PCARE: variants seen among roughly 807,000 people sequenced by gnomAD.
The protein encoded by PCARE is uncharacterized protein C2orf71.
Under a neutral mutation model 82.2 loss-of-function variants are expected in PCARE, and 72 were observed. That is an observed-to-expected ratio of 0.88 (90% CI 0.72 to 1.07). PCARE has a LOEUF of 1.07. Ranked by LOEUF, PCARE falls within the 50% of genes least tolerant of loss-of-function variation. The pLI, the probability that PCARE is intolerant of heterozygous loss-of-function variation, is 0.00. For missense variants in PCARE, 1,768 were observed against 1,592.4 expected (o/e 1.11, Z -1.88); for synonymous variants, 705 against 634.8 (o/e 1.11, Z -1.66).
rs780656700 is a variant in PCARE at position 29,070,922 on chromosome 2, T to C, written c.3340A>G (p.Lys1114Glu). Reference protein sequence around the residue: ...DSEDSQAVIAKVSGNTHSIFC... With the variant: ...DSEDSQAVIAEVSGNTHSIFC... Reference sequence around the variant, plus strand: ...ATGGAATGTGTGTTCCCAGACACTTTGGCTATGACTGCTTGGCTGTCTTCA... The same window carrying C: ...ATGGAATGTGTGTTCCCAGACACTTCGGCTATGACTGCTTGGCTGTCTTCA... The change falls in exon 1 of 2, where the codon AAA becomes GAA. Residue 1114 changes from lysine (K) to glutamate (E), a missense_variant. Physicochemically the swap from Lys to Glu is moderately conservative, Grantham distance 56. Coordinates refer to ENST00000331664, the MANE Select transcript of PCARE (RefSeq NM_001029883.3). 1 of 1,613,470 alleles carries C rather than the reference T, an allele frequency of 6.2e-7. No individual in the cohort carries two copies. The highest frequency in any genetic ancestry group is 1.1e-5 in the South Asian group (1 of 91,062).
At position 29,074,130 on chromosome 2, in the gene PCARE, C is replaced by T. The variant is rs755346715; in HGVS notation, c.132G>A (p.Leu44=). ...CGTCATAGCAGGTGGAGTTTTTAAC[C>T]AGCAAAGGGATGGAACCTCTTTCAC... ...GGSERGSIPL[L]VKNSTCYDAG... The change falls in exon 1 of 2, where the codon CTG becomes CTA. Residue 44 remains leucine, a synonymous_variant. Transcript: ENST00000331664. 1.2e-6 allele frequency: 2 copies of T among 1,614,086 alleles called. No homozygotes were observed. The highest frequency in any genetic ancestry group is 1.7e-6 in the Non-Finnish European group (2 of 1,179,948).
At position 29,073,405 on chromosome 2, in the gene PCARE, G is replaced by A. The variant is rs539832997; in HGVS notation, c.857C>T (p.Ala286Val). The A allele has an allele frequency of 2.5e-6, 4 of 1,613,962 alleles. No individual in the cohort carries two copies. Among genetic ancestry groups the A allele is most frequent in the East Asian group, 4.5e-5 (2 of 44,888 alleles). The change falls in exon 1 of 2, where the codon GCC (alanine) becomes GTC (valine). Residue 286 changes from alanine to valine, a missense_variant. Physicochemically the swap from Ala to Val is moderately conservative, Grantham distance 64. Coordinates refer to ENST00000331664, the MANE Select transcript of PCARE (RefSeq NM_001029883.3). ...CTCCAGGAAGCTGCCGGTGAGCGAG[G>A]CCACTGTGCCATTGAGCACCTGCAG... ...SKLQVLNGTV[A>V]SLTGSFLEGS...
rs2148416838 is a variant in PCARE at position 29,073,614 on chromosome 2, C to T, written c.648G>A (p.Gln216=). 1.9e-6 allele frequency: 3 copies of T among 1,614,206 alleles called. No homozygotes were observed. The South Asian group carries it at 3.3e-5, about 18-fold the overall frequency. Residue 216 remains glutamine, a synonymous_variant, in exon 1 of 2, where the codon CAG becomes CAA. Transcript: ENST00000331664. ...HQATQTRELL[Q]PMVSFLLLCF... is the part of the protein sequence containing the mutation. ...ACAGCAGCAAGAAGCTGACCATGGG[C>T]TGCAGCAGCTCCCGGGTCTGGGTGG...
Position 29,072,517 on chromosome 2 carries a change from C to T in PCARE, c.1745G>A (p.Ser582Asn). Residue 582 changes from serine to asparagine, a missense_variant, in exon 1 of 2, where the codon AGT (serine) becomes AAT (asparagine). Coordinates refer to ENST00000331664, the MANE Select transcript of PCARE (RefSeq NM_001029883.3). ...TVVPPRPSTVSGSRRAPERQT... is the reference protein window; with the variant it reads ...TVVPPRPSTVNGSRRAPERQT... ...CCTCTCAGGGGCCCTCCTGCTGCCA[C>T]TTACCGTGCTAGGTCTTGGGGGGAC... 6.2e-7 allele frequency: 1 copy of T among 1,614,230 alleles called. No individual in the cohort carries two copies. The highest frequency in any genetic ancestry group is 8.5e-7 in the Non-Finnish European group (1 of 1,180,048).
chr2:29,074,219 C>G lies in PCARE; in HGVS notation c.43G>C (p.Ala15Pro). 6.3e-7 allele frequency: 1 copy of G among 1,584,718 alleles called. No individual in the cohort carries two copies. The highest frequency in any genetic ancestry group is 8.6e-7 in the Non-Finnish European group (1 of 1,165,378). ...TTCAAGAACTGAATGCCACTCTTTG[C>G]AACGCTGTTTACAAGGTCACTGTGT... is the stretch of plus-strand genomic sequence containing the variant. ...PSHSDLVNSV[A>P]KSGIQFLKKP... Residue 15 changes from alanine to proline, a missense_variant, in exon 1 of 2, where the codon GCA (alanine) becomes CCA (proline). Ala to Pro is a conservative substitution (Grantham distance 27). Coordinates refer to ENST00000331664, the MANE Select transcript of PCARE (RefSeq NM_001029883.3).
intron 1 of PCARE, among the ~76,000 whole-genome samples, chr2:29,070,105 G>GATAT (rs139616331): frequency 7.9e-5 from 12 of 151,406 alleles, no homozygotes; most frequent in Middle Eastern, 3.4e-3. Context: ...ATTTTTTTGA[G>GATAT]ATATATATAT....
chr2:29,064,497 A>G lies in PCARE; in HGVS notation c.*372T>C, dbSNP rs1667362115. On this transcript the variant is annotated 3_prime_UTR_variant, in exon 2 of 2. Coordinates refer to ENST00000331664, the MANE Select transcript of PCARE (RefSeq NM_001029883.3). ...AAAACTGAAGAATGCTATGTGCTTC[A>G]TTCACTGTTGTGAGGCTTAAGTGAT... 2.6e-6 allele frequency: 1 copy of G among 380,440 alleles called. No individual in the cohort carries two copies. The highest frequency in any genetic ancestry group is 4.9e-6 in the Non-Finnish European group (1 of 203,796). 23.6% of individuals were successfully genotyped at this position (380,440 alleles called of 1,614,324 possible).
intron 1 of PCARE, among the ~76,000 whole-genome samples, chr2:29,066,838 A>G (rs1482439190): frequency 6.6e-6 from 1 of 152,206 alleles, no homozygotes; most frequent in Admixed American, 6.5e-5. Context: ...AGGCCAGGTG[A>G]AGACTGAAAA....
In PCARE at chr2:29,073,961, A is replaced by G; in HGVS notation, c.301T>C (p.Ser101Pro). 1 of 1,614,204 alleles carries G rather than the reference A, an allele frequency of 6.2e-7. No homozygotes were observed. Among genetic ancestry groups the G allele is most frequent in the South Asian group, 1.1e-5 (1 of 91,086 alleles). ...GLIPGTKTSS[S>P]QLNKSQSHMA... ...TGGCTTTGTGATTTGTTCAGCTGGG[A>G]TGAAGAGGTTTTGGTTCCTGGGATC... Residue 101 changes from serine (S) to proline (P), a missense_variant, in exon 1 of 2, where the codon TCC (serine) becomes CCC (proline). Physicochemically the swap from Ser to Pro is moderately conservative, Grantham distance 74. Transcript: ENST00000331664.
Position 29,073,600 on chromosome 2 carries a change from A to G in PCARE, c.662T>C (p.Phe221Ser). The change falls in exon 1 of 2, where the codon TTC becomes TCC. Residue 221 changes from phenylalanine (F) to serine (S), a missense_variant. Phe to Ser is a radical substitution (Grantham distance 155). Transcript: ENST00000331664. ...GATCTCCTCAAAGCACAGCAGCAAG[A>G]AGCTGACCATGGGCTGCAGCAGCTC... Reference protein sequence around the residue: ...TRELLQPMVSFLLLCFEEISQ... With the variant: ...TRELLQPMVSSLLLCFEEISQ... 1 of 1,614,212 alleles carries G rather than the reference A, an allele frequency of 6.2e-7. No homozygotes were observed. Among genetic ancestry groups the G allele is most frequent in the Non-Finnish European group, 8.5e-7 (1 of 1,180,034 alleles).
rs368965009 is a variant in PCARE, at chr2:29,073,141, G to C, written c.1121C>G (p.Ala374Gly). 2.8e-5 allele frequency: 45 copies of C among 1,614,010 alleles called. No individual in the cohort carries two copies. Among genetic ancestry groups the C allele is most frequent in the Non-Finnish European group, 3.6e-5 (42 of 1,180,020 alleles). ...KLGKQTSWDL[A>G]PEPEEWKSVT... ...CGACTTCCATTCTTCGGGCTCTGGTGCAAGGTCCCAGCTGGTTTGCTTGCC... is the reference window on the plus strand; with the variant it reads ...CGACTTCCATTCTTCGGGCTCTGGTCCAAGGTCCCAGCTGGTTTGCTTGCC... The change falls in exon 1 of 2, where the codon GCA becomes GGA. Residue 374 changes from alanine to glycine, a missense_variant. Coordinates refer to ENST00000331664, the MANE Select transcript of PCARE (RefSeq NM_001029883.3).
In PCARE at chr2:29,073,159, TGCTTGCCCA is replaced by T. The variant is rs771566435; in HGVS notation, c.1094_1102del (p.Leu365_Lys367del). ...CTCTGGTGCAAGGTCCCAGCTGGTT[TGCTTGCCCA>T]GCTTGTCCACCGACTGCACGGACTC... is the stretch of plus-strand genomic sequence containing the variant. On this transcript the variant is annotated inframe_deletion, in exon 1 of 2. Transcript: ENST00000331664. 24 of 1,614,134 alleles carry T rather than the reference TGCTTGCCCA, an allele frequency of 1.5e-5. No homozygotes were observed. Among genetic ancestry groups the T allele is most frequent in the Non-Finnish European group, 2.0e-5 (24 of 1,180,012 alleles).
rs144622269 is a variant in PCARE, at chr2:29,072,737, T to G, written c.1525A>C (p.Thr509Pro). 6.2e-7 allele frequency: 1 copy of G among 1,611,512 alleles called. No homozygotes were observed. Among genetic ancestry groups the G allele is most frequent in the Middle Eastern group, 1.7e-4 (1 of 6,058 alleles). The change falls in exon 1 of 2, where the codon ACT (threonine) becomes CCT (proline). Residue 509 changes from threonine to proline, a missense_variant. Coordinates refer to ENST00000331664, the MANE Select transcript of PCARE (RefSeq NM_001029883.3). ...GAAGATTGTGGCCTTGAATGTGGAG[T>G]TTTTTCCTGCCAGGCACACAGACTC... ...SMSLCAWQEK[T>P]PHSRPQSSPA...
Position 29,074,004 on chromosome 2 carries a change from C to G in PCARE, c.258G>C (p.Arg86Ser). The G allele has an allele frequency of 1.2e-6, 2 of 1,614,088 alleles. No individual in the cohort carries two copies. The highest frequency in any genetic ancestry group is 2.2e-5 in the East Asian group (1 of 44,882). Residue 86 changes from arginine to serine, a missense_variant, in exon 1 of 2, where the codon AGG becomes AGC. By Grantham distance (110) the Arg-to-Ser change is moderately radical (BLOSUM62 -1). Coordinates refer to ENST00000331664, the MANE Select transcript of PCARE (RefSeq NM_001029883.3). ...QLMGDPASGK[R>S]KDMEGLIPGT... ...CTGGGATCAGTCCTTCCATATCTTT[C>G]CTTTTGCCTGAAGCAGGATCTCCCA...
chr2:29,065,005 A>G lies in PCARE; in HGVS notation c.3731T>C (p.Leu1244Pro), dbSNP rs867375433. The G allele has an allele frequency of 1.3e-6, 2 of 1,567,426 alleles. No homozygotes were observed. The highest frequency in any genetic ancestry group is 3.4e-4 in the Middle Eastern group (2 of 5,898). Reference protein sequence around the residue: ...EPGSSPCSPELQGGTRRASPP... With the variant: ...EPGSSPCSPEPQGGTRRASPP... ...AGATGCACGCCTGGTGCCGCCCTGC[A>G]GTTCAGGGGAACAGGGGCTGCTCCC... The change falls in exon 2 of 2, where the codon CTG becomes CCG. Residue 1244 changes from leucine to proline, a missense_variant. By Grantham distance (98) the Leu-to-Pro change is moderately conservative. Transcript: ENST00000331664.
Position 29,071,517 on chromosome 2 carries a change from G to A in PCARE, c.2745C>T (p.Cys915=). Residue 915 remains cysteine (C), a synonymous_variant, in exon 1 of 2, where the codon TGC becomes TGT. Transcript: ENST00000331664. ...STGPGSGRSS[C]QPRKPALDLS... The stretch of plus-strand genomic sequence containing the variant: ...GGTCCAGGGCTGGCTTCCTGGGCTG[G>A]CAGCTGCTCCTGCCACTCCCTGGCC... The A allele has an allele frequency of 6.2e-7, 1 of 1,608,330 alleles. No individual in the cohort carries two copies. The highest frequency in any genetic ancestry group is 8.5e-7 in the Non-Finnish European group (1 of 1,179,806).
intron 1 of PCARE, among the ~76,000 whole-genome samples, chr2:29,069,340 A>G (rs1250735010): frequency 1.3e-5 from 2 of 152,246 alleles, no homozygotes; most frequent in Non-Finnish European, 2.9e-5. Context: ...TAATGCATAT[A>G]TATACCATGG....
chr2:29,068,095 A>G (rs1667416924), intron 1 of PCARE, among the ~76,000 whole-genome samples: 2 of 152,238 alleles, frequency 1.3e-5, no homozygotes, highest in Admixed American at 6.5e-5. Flanking sequence ...GCACAGTTCT[A>G]GAAATCTAAT....
rs1667469053 is a variant in PCARE, at chr2:29,071,063, G to A, written c.3199C>T (p.Gln1067Ter). 3 of 1,435,160 alleles carry A rather than the reference G, an allele frequency of 2.1e-6. No individual in the cohort carries two copies. The highest frequency in any genetic ancestry group is 1.5e-5 in the African/African-American group (1 of 68,694). 88.9% of individuals were successfully genotyped at this position (1,435,160 alleles called of 1,614,324 possible). The change falls in exon 1 of 2, where the codon CAG becomes TAG. Residue 1067 changes from glutamine to a stop codon, truncating the protein, a stop_gained. Coordinates refer to ENST00000331664, the MANE Select transcript of PCARE (RefSeq NM_001029883.3). LOFTEE classifies it high-confidence loss of function. ...PNPPPESAPA[Q>*]CKVPSPPTQH... is the part of the protein sequence containing the mutation. ...GTTGGGGGGCTGGGGACCTTGCACT[G>A]AGCAGGTGCACTCTCGGGGGGAGGG... is the stretch of plus-strand genomic sequence containing the variant.
Sources: gnomAD v4.1 joint callset for allele counts (sites outside exome capture counted in the v4.1 genomes callset) on GRCh38, gnomAD v4.1.1 for gene constraint, MANE v1.5 for transcripts, NCBI Gene and HGNC (gene_info 2026-07-23, HGNC 2026-07-21) for gene names.